Variants in PCDHA12 observed in about 807,000 individuals in gnomAD.
PCDHA12 encodes protocadherin alpha-12.
PCDHA12 carries 44 observed loss-of-function variants against 60.0 expected under a neutral mutation model. That is an observed-to-expected ratio of 0.73 (90% CI 0.58 to 0.94). The LOEUF is 0.94. Ranked by LOEUF, PCDHA12 falls within the 40% of genes least tolerant of loss-of-function variation. PCDHA12 has a pLI of 0.00. For missense variants in PCDHA12, 1,276 were observed against 1,239.7 expected (o/e 1.03, Z -0.44); for synonymous variants, 569 against 553.0 (o/e 1.03, Z -0.40).
intron 1 of PCDHA12, among the ~76,000 whole-genome samples, chr5:140,924,973 GCTCATGT>G (rs1447379119): frequency 2.0e-5 from 3 of 151,826 alleles, no homozygotes; most frequent in African/African-American, 7.2e-5. Flanking sequence ...GAGTGCAGTG[GCTCATGT>G]CTGTAATCCT....
intron 1 of PCDHA12, chr5:140,926,588 C>A: frequency 3.4e-6 from 1 of 293,528 alleles, no homozygotes; most frequent in Admixed American, 5.0e-5. Context: ...CTCTCGCGCC[C>A]GGGCGGGCGG....
At chr5:140,900,713 G>A (rs1367112592) in intron 1 of PCDHA12, among the ~76,000 whole-genome samples, 1 of 152,194 alleles carries the variant, frequency 6.6e-6, no homozygotes, top group Non-Finnish European at 1.5e-5. Context: ...TGGAAAGAAA[G>A]GAAATCCTAC....
At chr5:140,899,359 T>A (rs1247414230) in intron 1 of PCDHA12, among the ~76,000 whole-genome samples, 57 of 152,234 alleles carry the variant, frequency 3.7e-4, no homozygotes, top group Admixed American at 1.4e-3. Flanking sequence ...TTTTGAGATA[T>A]GTCCCATCAA....
chr5:140,988,827 G>A (rs1554250450), intron 3 of PCDHA12: 1 of 152,132 alleles, frequency 6.6e-6, no homozygotes, highest in African/African-American at 2.4e-5. Flanking sequence ...CCCAAACAGA[G>A]ATCACGTGTC....
At chr5:141,006,553 G>A (rs1554260809) in intron 3 of PCDHA12, among the ~76,000 whole-genome samples, 1 of 152,168 alleles carries the variant, frequency 6.6e-6, no homozygotes, top group African/African-American at 2.4e-5. Context: ...AAGAAATAAA[G>A]ATGACTCTGG....
At chr5:140,880,123 C>T (rs1315267493) in intron 1 of PCDHA12, among the ~76,000 whole-genome samples, 3 of 152,118 alleles carry the variant, frequency 2.0e-5, no homozygotes, top group African/African-American at 7.2e-5. Flanking sequence ...CAACAGGAAG[C>T]TGAAATAAAG....
chr5:140,919,424 T>G (rs1222822099), intron 1 of PCDHA12, among the ~76,000 whole-genome samples: 7 of 152,218 alleles, frequency 4.6e-5, no homozygotes, highest in Non-Finnish European at 2.9e-5. Context: ...CAATTCTGCC[T>G]TTTGATTGGG....
chr5:140,994,156 C>T (rs926993777), intron 3 of PCDHA12, among the ~76,000 whole-genome samples: 25 of 152,124 alleles, frequency 1.6e-4, no homozygotes, highest in African/African-American at 4.1e-4. Context: ...GTAGGGTCAA[C>T]GAAGGGGAAG....
intron 3 of PCDHA12, among the ~76,000 whole-genome samples, chr5:140,990,557 A>G (rs782726055): frequency 2.0e-5 from 3 of 152,166 alleles, no homozygotes; most frequent in Non-Finnish European, 4.4e-5. Flanking sequence ...TTACCCAAGA[A>G]CACACACCTG....
chr5:140,974,577 T>C (rs2096632640), intron 1 of PCDHA12, among the ~76,000 whole-genome samples: 1 of 152,200 alleles, frequency 6.6e-6, no homozygotes, highest in South Asian at 2.1e-4. Flanking sequence ...AATGGCATGA[T>C]CTTGGCTCAC....
intron 1 of PCDHA12, among the ~76,000 whole-genome samples, chr5:140,942,387 G>A (rs1398449068): frequency 1.3e-5 from 2 of 151,808 alleles, no homozygotes; most frequent in Admixed American, 1.3e-4. Context: ...ATTCCAGCCT[G>A]GGCGACAGAT....
At chr5:140,975,675 T>C (rs1047804393) in intron 1 of PCDHA12, among the ~76,000 whole-genome samples, 3 of 152,240 alleles carry the variant, frequency 2.0e-5, no homozygotes, top group Non-Finnish European at 2.9e-5. Context: ...AGTTTATTAA[T>C]AAAATAGGGT....
In PCDHA12 at chr5:140,924,786, T is replaced by G. The variant is rs2082007959; in HGVS notation, c.2367+46947T>G. Reference sequence around the variant, plus strand: ...GGTGCGCGCTTGTAGTCCTAGCTACTTAGGAGGCTGAGGCAAGAGAATCGC... The same window carrying G: ...GGTGCGCGCTTGTAGTCCTAGCTACGTAGGAGGCTGAGGCAAGAGAATCGC... On this transcript the variant is annotated intron_variant, in intron 1 of 3. Coordinates refer to ENST00000398631, the MANE Select transcript of PCDHA12 (RefSeq NM_018903.4). Among the ~76,000 whole-genome samples the G allele has an allele frequency of 4.6e-5, 7 of 151,720 alleles. No homozygotes were observed. In the South Asian group the frequency reaches 1.2e-3, roughly 27 times the overall value.
chr5:140,994,665 A>G (rs555985538), intron 3 of PCDHA12, among the ~76,000 whole-genome samples: 1 of 152,294 alleles, frequency 6.6e-6, no homozygotes, highest in East Asian at 1.9e-4. Flanking sequence ...AGATCACACT[A>G]CTGCACTCCA....
intron 3 of PCDHA12, among the ~76,000 whole-genome samples, chr5:141,000,387 CTCTCTCTCTA>C (rs1244377903): frequency 2.3e-3 from 152 of 66,802 alleles, no homozygotes; most frequent in African/African-American, 4.6e-3. Flanking sequence ...CTCTCTCTCT[CTCTCTCTCTA>C]TATATATATA....
chr5:140,929,233 C>T (rs782744711), intron 1 of PCDHA12: 5 of 1,613,786 alleles, frequency 3.1e-6, no homozygotes, highest in Non-Finnish European at 8.5e-7. Flanking sequence ...TGCCGACCTG[C>T]GAAATCTTGC....
intron 1 of PCDHA12, among the ~76,000 whole-genome samples, chr5:140,924,896 AAAAAAAAAATAAAAT>A (rs1195249436): frequency 5.8e-5 from 4 of 69,076 alleles, no homozygotes; most frequent in Non-Finnish European, 9.1e-5. Flanking sequence ...ACCTGTCTCA[AAAAAAAAAATAAAAT>A]AAAATAAAAT....
chr5:140,949,798 A>G (rs1021470816), intron 1 of PCDHA12, among the ~76,000 whole-genome samples: 1 of 151,786 alleles, frequency 6.6e-6, no homozygotes, highest in South Asian at 2.1e-4. Context: ...GTGTCCTTCA[A>G]TACATTATTT....
intron 1 of PCDHA12, among the ~76,000 whole-genome samples, chr5:140,912,063 A>C (rs1458411803): frequency 6.6e-6 from 1 of 152,214 alleles, no homozygotes; most frequent in Non-Finnish European, 1.5e-5. Context: ...CTTGGAGTCC[A>C]ATGTTCAAGG....
Sources: gnomAD v4.1 joint callset for allele counts (sites outside exome capture counted in the v4.1 genomes callset) on GRCh38, gnomAD v4.1.1 for gene constraint, MANE v1.5 for transcripts, NCBI Gene and HGNC (gene_info 2026-07-23, HGNC 2026-07-21) for gene names.